LRMDA: variants seen among roughly 807,000 people sequenced by gnomAD.
LRMDA encodes the protein leucine rich melanocyte differentiation associated.
LRMDA carries 18 observed loss-of-function variants against 29.8 expected under a neutral mutation model. The observed-to-expected ratio is 0.60, with a 90% CI of 0.42 to 0.90. LRMDA has a LOEUF of 0.90. LRMDA is among the 40% of genes least tolerant of loss of function. LRMDA has a pLI of 0.00. For missense variants in LRMDA, 273 were observed against 273.9 expected, an observed-to-expected ratio of 1.00 and a Z score of 0.02; for synonymous variants, 125 against 109.4, an observed-to-expected ratio of 1.14 and a Z score of -0.89.
rs186548404 is a variant in LRMDA, at chr10:76,067,559, C to T, written c.516+8776C>T. Among the ~76,000 whole-genome samples the T allele has an allele frequency of 1.3e-3, 202 of 152,204 alleles. 1 individual carries two copies. Among genetic ancestry groups the T allele is most frequent in the Admixed American group, 3.9e-3 (60 of 15,296 alleles). Reference sequence around the variant, plus strand: ...ATCCATATTTAAAACCAACATTACCCGGGGTTCTGTGCAGAGCTACAGGGC... The same window carrying T: ...ATCCATATTTAAAACCAACATTACCTGGGGTTCTGTGCAGAGCTACAGGGC... On this transcript the variant is annotated intron_variant, in intron 5 of 6. Transcript: ENST00000611255.
At chr10:75,892,643 C>T (rs1394796111) in intron 2 of LRMDA, among the ~76,000 whole-genome samples, 1 of 152,078 alleles carries the variant, frequency 6.6e-6, no homozygotes, top group South Asian at 2.1e-4. Context: ...ATGGTAATAG[C>T]AGCCGATAAT....
chr10:76,549,718 C>A (rs1466597387), intron 6 of LRMDA, among the ~76,000 whole-genome samples: 1 of 151,994 alleles, frequency 6.6e-6, no homozygotes, highest in Non-Finnish European at 1.5e-5. Flanking sequence ...TAGAAATAAT[C>A]AACCTGGGAA....
At chr10:76,421,871 G>A (rs1050826283) in intron 6 of LRMDA, among the ~76,000 whole-genome samples, 1 of 152,080 alleles carries the variant, frequency 6.6e-6, no homozygotes, top group East Asian at 1.9e-4. Flanking sequence ...TTGACACTGA[G>A]TACAAAAATT....
chr10:75,870,700 C>T (rs1392816745), intron 2 of LRMDA, among the ~76,000 whole-genome samples: 1 of 152,172 alleles, frequency 6.6e-6, no homozygotes, highest in African/African-American at 2.4e-5. Flanking sequence ...TCTCTCCTTG[C>T]TGTCTCATCC....
chr10:76,374,984 T>C (rs1841498792), intron 6 of LRMDA, among the ~76,000 whole-genome samples: 1 of 152,192 alleles, frequency 6.6e-6, no homozygotes. Flanking sequence ...ACAAGCTAGA[T>C]TTAGCTCATC....
At chr10:75,461,097 G>A (rs1485604521) in intron 2 of LRMDA, among the ~76,000 whole-genome samples, 1 of 152,110 alleles carries the variant, frequency 6.6e-6, no homozygotes, top group African/African-American at 2.4e-5. Context: ...ATTAATAAGA[G>A]CATACCAATT....
At chr10:76,046,985 T>C (rs1848449551) in intron 3 of LRMDA, among the ~76,000 whole-genome samples, 179 bp from the exon 4 acceptor site, 1 of 152,246 alleles carries the variant, frequency 6.6e-6, no homozygotes, top group South Asian at 2.1e-4. Flanking sequence ...AGTTGGGCTG[T>C]GTTCCCAACA....
intron 2 of LRMDA, among the ~76,000 whole-genome samples, chr10:76,006,320 A>G (rs957300562): frequency 6.6e-6 from 1 of 152,218 alleles, no homozygotes; most frequent in African/African-American, 2.4e-5. Context: ...AAGGAGAGTC[A>G]GCCTGAGCTC....
chr10:76,509,842 G>T (rs1842992338), intron 6 of LRMDA, among the ~76,000 whole-genome samples: 1 of 152,128 alleles, frequency 6.6e-6, no homozygotes, highest in South Asian at 2.1e-4. Context: ...AAATATGTGT[G>T]TATTGGGTTG....
chr10:75,686,320 T>G (rs891222488), intron 2 of LRMDA, among the ~76,000 whole-genome samples: 1 of 152,206 alleles, frequency 6.6e-6, no homozygotes, highest in Admixed American at 6.5e-5. Context: ...ATTCTTTGCC[T>G]GGCCTTCTCC....
intron 5 of LRMDA, among the ~76,000 whole-genome samples, chr10:76,204,264 A>G (rs1209600460): frequency 4.8e-5 from 6 of 125,214 alleles, no homozygotes; most frequent in Non-Finnish European, 8.0e-5. Context: ...CCATGTGCCC[A>G]TCCACCCATC....
At chr10:76,124,434 C>T (rs1028066833) in intron 5 of LRMDA, among the ~76,000 whole-genome samples, 1 of 152,254 alleles carries the variant, frequency 6.6e-6, no homozygotes, top group Non-Finnish European at 1.5e-5. Context: ...CTTTCCTCTA[C>T]ACTTACTGCT....
chr10:76,073,170 ATTTTG>A (rs533111639), intron 5 of LRMDA, among the ~76,000 whole-genome samples: 72 of 152,226 alleles, frequency 4.7e-4, no homozygotes, highest in African/African-American at 1.7e-3. Flanking sequence ...GAACCACTTC[ATTTTG>A]TTTTGTTTTG....
At chr10:76,198,827 T>C (rs1157778665) in intron 5 of LRMDA, among the ~76,000 whole-genome samples, 3 of 152,216 alleles carry the variant, frequency 2.0e-5, no homozygotes, top group African/African-American at 7.2e-5. Context: ...GGTTTTATTT[T>C]TTTCCCCACT....
At chr10:75,747,521 A>G (rs1188866344) in intron 2 of LRMDA, among the ~76,000 whole-genome samples, 1 of 152,248 alleles carries the variant, frequency 6.6e-6, no homozygotes, top group Non-Finnish European at 1.5e-5. Flanking sequence ...AACTACCCCT[A>G]AAGAGATAAC....
chr10:76,271,354 G>A (rs1314083170), intron 5 of LRMDA, among the ~76,000 whole-genome samples: 2 of 151,920 alleles, frequency 1.3e-5, no homozygotes, highest in Admixed American at 6.6e-5. Flanking sequence ...GTTGCAGTAA[G>A]TCAAGATCAT....
At chr10:76,379,716 T>C (rs1841567082) in intron 6 of LRMDA, among the ~76,000 whole-genome samples, 1 of 152,148 alleles carries the variant, frequency 6.6e-6, no homozygotes, top group Admixed American at 6.5e-5. Flanking sequence ...TTTTATTTCG[T>C]TCTGCTCTGA....
At chr10:75,792,533 G>A (rs916246583) in intron 2 of LRMDA, among the ~76,000 whole-genome samples, 5 of 152,192 alleles carry the variant, frequency 3.3e-5, no homozygotes, top group Admixed American at 1.3e-4. Context: ...AAAGTGCTGG[G>A]ATTACAGGTG....
At chr10:76,177,410 A>G (rs1850959547) in intron 5 of LRMDA, among the ~76,000 whole-genome samples, 1 of 102,844 alleles carries the variant, frequency 9.7e-6, no homozygotes, top group Non-Finnish European at 2.1e-5. Context: ...ACAAAAAAAA[A>G]ACAACAAAAA....
Sources: allele counts gnomAD v4.1 joint callset (sites outside exome capture counted in the v4.1 genomes callset), GRCh38; gene constraint gnomAD v4.1.1; transcripts MANE v1.5; gene names NCBI Gene and HGNC (gene_info 2026-07-23, HGNC 2026-07-21).